The following PLA2G4A variants were observed in gnomAD, a reference collection of about 807,000 sequenced individuals.
PLA2G4A encodes cytosolic phospholipase A2.
In PLA2G4A, 40 loss-of-function variants were observed where a neutral mutation model predicts 81.9. The observed-to-expected ratio is 0.49, with a 90% CI of 0.38 to 0.64. The LOEUF (loss-of-function observed/expected upper bound fraction) is 0.64, where lower values mean the gene tolerates loss of function less well. PLA2G4A is among the 30% of genes least tolerant of loss of function. PLA2G4A has a pLI of 0.00. For synonymous variants in PLA2G4A, 302 were observed against 296.9 expected (o/e 1.02, Z -0.18); for missense variants, 715 against 905.1 (o/e 0.79, Z 2.69).
At chr1:186,885,381 G>C (rs1231056485) in intron 3 of PLA2G4A, among the ~76,000 whole-genome samples, 2 of 152,124 alleles carry the variant, frequency 1.3e-5, no homozygotes, top group African/African-American at 4.8e-5. Flanking sequence ...GTGAACAAGA[G>C]GTAGACTAAC....
intron 2 of PLA2G4A, among the ~76,000 whole-genome samples, chr1:186,866,584 G>A (rs1039334787): frequency 1.4e-4 from 22 of 152,112 alleles, no homozygotes; most frequent in Admixed American, 7.9e-4. Context: ...CAATCTTTTT[G>A]TACATGTTAT....
intron 7 of PLA2G4A, among the ~76,000 whole-genome samples, chr1:186,915,290 C>T (rs1178151678): frequency 1.3e-5 from 2 of 152,140 alleles, no homozygotes; most frequent in African/African-American, 2.4e-5. Flanking sequence ...TCTATTTTGA[C>T]AGATAGCATT....
At chr1:186,953,063 T>C (rs1656620490) in intron 13 of PLA2G4A, among the ~76,000 whole-genome samples, 1 of 152,108 alleles carries the variant, frequency 6.6e-6, no homozygotes, top group South Asian at 2.1e-4. Flanking sequence ...GATTTTTCAG[T>C]TTATTTGGGT....
At chr1:186,976,877 C>T (rs936972230) in intron 15 of PLA2G4A, among the ~76,000 whole-genome samples, 5 of 152,164 alleles carry the variant, frequency 3.3e-5, no homozygotes, top group Non-Finnish European at 5.9e-5. Context: ...TGCCAGCAGT[C>T]ATAAATCACC....
chr1:186,954,148 T>C (rs1260228322), intron 13 of PLA2G4A, among the ~76,000 whole-genome samples: 1 of 151,350 alleles, frequency 6.6e-6, no homozygotes, highest in Admixed American at 6.6e-5. Context: ...ACATGTATGT[T>C]TATGGTGGCG....
chr1:186,915,866 C>T (rs1005102622), intron 7 of PLA2G4A, among the ~76,000 whole-genome samples: 4 of 152,098 alleles, frequency 2.6e-5, no homozygotes, highest in Non-Finnish European at 4.4e-5. Context: ...TTTTTTCCTT[C>T]TCTAGCTATG....
At chr1:186,873,931 C>A (rs1472969315) in intron 3 of PLA2G4A, among the ~76,000 whole-genome samples, 2 of 152,074 alleles carry the variant, frequency 1.3e-5, no homozygotes, top group Non-Finnish European at 2.9e-5. Context: ...AGTGATGACT[C>A]CTTCTGCATT....
At chr1:186,892,902 A>G (rs1654196632) in intron 3 of PLA2G4A, 109 bp from the exon 4 acceptor site, 3 of 787,780 alleles carry the variant, frequency 3.8e-6, no homozygotes, top group Admixed American at 2.0e-5. Context: ...ACATTTAAAT[A>G]CATCACTACA....
chr1:186,905,069 G>T (rs181602361), intron 5 of PLA2G4A, among the ~76,000 whole-genome samples: 154 of 152,236 alleles, frequency 1.0e-3, no homozygotes, highest in Middle Eastern at 6.8e-3. Context: ...TAGCCAGGCT[G>T]GTTTCGAACT....
At chr1:186,859,727 C>G (rs894143102) in intron 2 of PLA2G4A, among the ~76,000 whole-genome samples, 20 of 152,066 alleles carry the variant, frequency 1.3e-4, no homozygotes, top group Non-Finnish European at 2.8e-4. Context: ...AGAAAACCAC[C>G]ACTGAATAAG....
chr1:186,889,684 A>T (rs1654064819), intron 3 of PLA2G4A, among the ~76,000 whole-genome samples: 2 of 151,872 alleles, frequency 1.3e-5, no homozygotes. Context: ...ATCTATTTAA[A>T]TTTTTTTGGG....
At chr1:186,881,218 A>G (rs1558395741) in intron 3 of PLA2G4A, among the ~76,000 whole-genome samples, 1 of 152,056 alleles carries the variant, frequency 6.6e-6, no homozygotes, top group Non-Finnish European at 1.5e-5. Flanking sequence ...ACTATTATAC[A>G]TATTCAGCCT....
intron 3 of PLA2G4A, among the ~76,000 whole-genome samples, chr1:186,886,382 A>C (rs1236551599): frequency 6.6e-6 from 1 of 152,134 alleles, no homozygotes; most frequent in Non-Finnish European, 1.5e-5. Flanking sequence ...TTACACAGGG[A>C]AAAAGACTGA....
intron 3 of PLA2G4A, among the ~76,000 whole-genome samples, chr1:186,883,825 C>T (rs1348980473): frequency 3.3e-5 from 5 of 151,914 alleles, no homozygotes; most frequent in South Asian, 2.1e-4. Flanking sequence ...GAGAATGAAC[C>T]GATTAGGGTA....
In PLA2G4A at chr1:186,848,154, G is replaced by A. The variant is rs144171423; in HGVS notation, c.-69-6132G>A. Among the ~76,000 whole-genome samples, 5 of 152,252 alleles carry A rather than the reference G, an allele frequency of 3.3e-5. No homozygotes were observed. The East Asian group carries it at 7.7e-4, about 24-fold the overall frequency. ...CTGGAGTAGAGATGCGTTTGTGCAT[G>A]TCAGGGAACACAAGGAAGAAATCTC... On this transcript the variant is annotated intron_variant, in intron 1 of 17. Coordinates refer to ENST00000367466, the MANE Select transcript of PLA2G4A (RefSeq NM_024420.3).
intron 5 of PLA2G4A, among the ~76,000 whole-genome samples, chr1:186,896,132 T>C (rs948917847): frequency 1.3e-5 from 2 of 152,226 alleles, no homozygotes; most frequent in Admixed American, 1.3e-4. Context: ...ATTAAAAGTA[T>C]GTTAATACTA....
chr1:186,860,870 C>T (rs1426700174), intron 2 of PLA2G4A, among the ~76,000 whole-genome samples: 1 of 152,148 alleles, frequency 6.6e-6, no homozygotes, highest in East Asian at 1.9e-4. Context: ...ATCTTCTCAG[C>T]CATTTTTTAT....
At chr1:186,856,275 C>A (rs1011275442) in intron 2 of PLA2G4A, among the ~76,000 whole-genome samples, 14 of 134,000 alleles carry the variant, frequency 1.0e-4, no homozygotes, top group African/African-American at 4.0e-4. Flanking sequence ...TTATAGTTTT[C>A]TTTAAGAAAT....
At chr1:186,879,372 G>C (rs1653641431) in intron 3 of PLA2G4A, among the ~76,000 whole-genome samples, 1 of 151,982 alleles carries the variant, frequency 6.6e-6, no homozygotes, top group Non-Finnish European at 1.5e-5. Context: ...TAATTGCTGA[G>C]TATGTGCTAT....
Sources: gnomAD v4.1 joint callset for allele counts (sites outside exome capture counted in the v4.1 genomes callset) on GRCh38, gnomAD v4.1.1 for gene constraint, MANE v1.5 for transcripts, NCBI Gene and HGNC (gene_info 2026-07-23, HGNC 2026-07-21) for gene names.